Variants in SPAG16 observed in about 807,000 individuals in gnomAD.
SPAG16 encodes the protein sperm-associated antigen 16 protein.
Under a neutral mutation model 80.4 loss-of-function variants are expected in SPAG16, and 86 were observed. The ratio of observed to expected loss-of-function variants is 1.07; its 90% CI spans 0.90 to 1.28. The LOEUF (loss-of-function observed/expected upper bound fraction) is 1.28. Among genes scored for constraint, SPAG16 ranks in the 50% most tolerant of loss-of-function variants. The pLI is 0.00. For missense variants in SPAG16, 870 were observed against 765.3 expected (o/e 1.14, Z -1.61); for synonymous variants, 294 against 265.9 (o/e 1.11, Z -1.03).
intron 15 of SPAG16, among the ~76,000 whole-genome samples, chr2:214,355,264 C>T (rs1698699315): frequency 7.2e-6 from 1 of 139,524 alleles, no homozygotes; most frequent in Admixed American, 7.5e-5. Context: ...ATTTTCGCAA[C>T]CTACTCATCT....
intron 10 of SPAG16, among the ~76,000 whole-genome samples, chr2:213,656,623 G>A (rs1266098365): frequency 6.6e-6 from 1 of 152,218 alleles, no homozygotes; most frequent in African/African-American, 2.4e-5. Context: ...AGGCAAGGAA[G>A]AAACCTAGGC....
chr2:213,489,133 A>C (rs1308927973), intron 9 of SPAG16, among the ~76,000 whole-genome samples: 1 of 152,118 alleles, frequency 6.6e-6, no homozygotes, highest in South Asian at 2.1e-4. Context: ...TGAGATAAAT[A>C]ATTTTTGAAT....
At chr2:214,160,783 C>A (rs1187296333) in intron 15 of SPAG16, among the ~76,000 whole-genome samples, 3 of 151,962 alleles carry the variant, frequency 2.0e-5, no homozygotes, top group Non-Finnish European at 4.4e-5. Context: ...ACATTTTACC[C>A]ACATTAATAT....
At chr2:213,702,366 A>C (rs1038640969) in intron 10 of SPAG16, among the ~76,000 whole-genome samples, 1 of 152,186 alleles carries the variant, frequency 6.6e-6, no homozygotes, top group Non-Finnish European at 1.5e-5. Flanking sequence ...ACTTTTTGCA[A>C]TAAATCTTGC....
rs185630998 is a variant in SPAG16, at chr2:213,943,405, A to G, written c.1400+13260A>G. ...AGGTCTCTTTCTTATTAGAGAATAT[A>G]TAAGTGATCATGTAATGTCAGCAGA... On this transcript the variant is annotated intron_variant, in intron 12 of 15. Coordinates refer to ENST00000331683, the MANE Select transcript of SPAG16 (RefSeq NM_024532.5). Among the ~76,000 whole-genome samples the G allele has an allele frequency of 5.3e-5, 8 of 152,318 alleles. No homozygotes were observed. In the East Asian group the frequency reaches 1.5e-3, roughly 29 times the overall value.
chr2:213,717,195 C>T (rs2066276671), intron 10 of SPAG16, among the ~76,000 whole-genome samples: 1 of 149,162 alleles, frequency 6.7e-6, no homozygotes, highest in Admixed American at 6.7e-5. Flanking sequence ...TCGTCTGTCG[C>T]CCAGGCTGGA....
At chr2:213,843,511 A>G (rs2074465361) in intron 10 of SPAG16, among the ~76,000 whole-genome samples, 1 of 152,192 alleles carries the variant, frequency 6.6e-6, no homozygotes, top group Non-Finnish European at 1.5e-5. Context: ...TTCAAATGCC[A>G]GTGTTTGTCT....
intron 10 of SPAG16, among the ~76,000 whole-genome samples, chr2:213,651,191 A>G (rs1388064565): frequency 6.6e-6 from 1 of 152,182 alleles, no homozygotes; most frequent in Non-Finnish European, 1.5e-5. Flanking sequence ...CAAGGATTTG[A>G]GTATATACAA....
rs1185790862 is a variant in SPAG16 at position 213,717,171 on chromosome 2, T to TG, written c.1071-145314_1071-145313insG. ...GAAACTTTTCATTTTTTTTTTTTTT[T>TG]TTGAGACGGAATCTCGTCTGTCGCC... On this transcript the variant is annotated intron_variant, in intron 10 of 15. Transcript: ENST00000331683. 1.3e-4 allele frequency among the ~76,000 whole-genome samples: 20 copies of TG among 151,700 alleles called. No individual in the cohort carries two copies. In the East Asian group the frequency reaches 3.7e-3, roughly 28 times the overall value.
At chr2:214,055,569 G>T (rs895756417) in intron 13 of SPAG16, among the ~76,000 whole-genome samples, 2 of 151,926 alleles carry the variant, frequency 1.3e-5, no homozygotes, top group Non-Finnish European at 2.9e-5. Context: ...GTTACAGAGG[G>T]AGCATGTCTT....
intron 10 of SPAG16, among the ~76,000 whole-genome samples, chr2:213,578,233 G>A (rs1033037257): frequency 6.6e-6 from 1 of 151,968 alleles, no homozygotes; most frequent in African/African-American, 2.4e-5. Flanking sequence ...CAAGAACATA[G>A]GATCTCAAAG....
intron 12 of SPAG16, among the ~76,000 whole-genome samples, chr2:213,931,336 T>A (rs2078744137): frequency 1.3e-5 from 2 of 152,316 alleles, no homozygotes; most frequent in South Asian, 2.1e-4. Flanking sequence ...GACCTATGTC[T>A]ATCTGAAATA....
chr2:214,320,088 C>G (rs574417960), intron 15 of SPAG16, among the ~76,000 whole-genome samples: 1 of 152,152 alleles, frequency 6.6e-6, no homozygotes, highest in East Asian at 1.9e-4. Context: ...TGTTCTAGCC[C>G]CTACCAAACA....
At chr2:214,364,171 C>T (rs1293516522) in intron 15 of SPAG16, among the ~76,000 whole-genome samples, 2 of 152,064 alleles carry the variant, frequency 1.3e-5, no homozygotes, top group African/African-American at 2.4e-5. Flanking sequence ...ACTTGTAATT[C>T]TTCCTGCTCC....
At chr2:214,103,655 T>C (rs1349280056) in intron 13 of SPAG16, among the ~76,000 whole-genome samples, 2 of 152,104 alleles carry the variant, frequency 1.3e-5, no homozygotes, top group Non-Finnish European at 2.9e-5. Context: ...GGAAGGCCAG[T>C]GTGACAGCTG....
intron 13 of SPAG16, among the ~76,000 whole-genome samples, chr2:214,038,883 T>C (rs2048851611): frequency 6.6e-6 from 1 of 152,212 alleles, no homozygotes; most frequent in Non-Finnish European, 1.5e-5. Flanking sequence ...CATTATTTTT[T>C]ATGGCTGCAT....
intron 10 of SPAG16, among the ~76,000 whole-genome samples, chr2:213,598,592 C>T (rs934880926): frequency 6.6e-6 from 1 of 152,118 alleles, no homozygotes; most frequent in African/African-American, 2.4e-5. Flanking sequence ...AATGATCTGA[C>T]CTCCTCTCAT....
intron 15 of SPAG16, among the ~76,000 whole-genome samples, chr2:214,211,113 A>G (rs1319989843): frequency 6.6e-6 from 1 of 152,098 alleles, no homozygotes; most frequent in Admixed American, 6.6e-5. Context: ...CATTTTCCCC[A>G]CAGTTACAAT....
At chr2:213,368,305 T>G (rs1473936851) in intron 8 of SPAG16, among the ~76,000 whole-genome samples, 1 of 152,188 alleles carries the variant, frequency 6.6e-6, no homozygotes, top group African/African-American at 2.4e-5. Flanking sequence ...TTTAAAGTAG[T>G]TTTTTCCAGT....
Sources: gnomAD v4.1 joint callset for allele counts (sites outside exome capture counted in the v4.1 genomes callset) on GRCh38, gnomAD v4.1.1 for gene constraint, MANE v1.5 for transcripts, NCBI Gene and HGNC (gene_info 2026-07-23, HGNC 2026-07-21) for gene names.